SORL1: variants seen among roughly 807,000 people sequenced by gnomAD.
SORL1 encodes the protein sortilin-related receptor.
A neutral mutation model predicts 273.7 loss-of-function variants in SORL1; 127 were observed. The observed-to-expected ratio is 0.46, with a 90% CI of 0.40 to 0.54. The LOEUF is 0.54. Among genes scored for constraint, SORL1 ranks in the 20% least tolerant of loss-of-function variants. The pLI is 0.00. For missense variants in SORL1, 2,494 were observed against 2,846.1 expected (o/e 0.88, Z 2.81); for synonymous variants, 1,031 against 1,067.4 (o/e 0.97, Z 0.66).
chr11:121,593,286 A>G (rs1255056926), intron 31 of SORL1, among the ~76,000 whole-genome samples: 2 of 152,242 alleles, frequency 1.3e-5, no homozygotes, highest in African/African-American at 2.4e-5. Context: ...TGAAAACTAT[A>G]GAATATGCAC....
At chr11:121,629,379 CA>C in intron 47 of SORL1, 116 bp from the exon 48 acceptor site, 1 of 671,044 alleles carries the variant, frequency 1.5e-6, no homozygotes, top group Admixed American at 2.3e-5. Flanking sequence ...CTGGCTATGG[CA>C]TTGACCTTCT....
intron 14 of SORL1, 28 bp from the exon 15 acceptor site, chr11:121,549,932 C>G: frequency 1.2e-6 from 2 of 1,610,122 alleles, no homozygotes; most frequent in Non-Finnish European, 1.7e-6. Context: ...AAAACCGTGG[C>G]CTTAACAAAG....
intron 21 of SORL1, among the ~76,000 whole-genome samples, chr11:121,565,866 G>A (rs904951926): frequency 2.0e-5 from 3 of 152,244 alleles, no homozygotes; most frequent in Non-Finnish European, 2.9e-5. Context: ...AACTCTCTCC[G>A]GTGCTGCCTT....
intron 1 of SORL1, among the ~76,000 whole-genome samples, chr11:121,458,237 T>G (rs1860938334): frequency 6.6e-6 from 1 of 152,248 alleles, no homozygotes; most frequent in African/African-American, 2.4e-5. Context: ...TTTGCATTCT[T>G]TGATCTATTG....
intron 27 of SORL1, among the ~76,000 whole-genome samples, chr11:121,587,647 G>T (rs202041540): frequency 6.6e-6 from 1 of 152,136 alleles, no homozygotes; most frequent in Non-Finnish European, 1.5e-5. Flanking sequence ...GCCTACCCCC[G>T]TATTAGAGAG....
intron 14 of SORL1, among the ~76,000 whole-genome samples, chr11:121,546,150 A>C (rs1050174224): frequency 2.6e-5 from 4 of 152,060 alleles, no homozygotes; most frequent in African/African-American, 9.7e-5. Flanking sequence ...TGTGGTTGGG[A>C]GTTGAATTGG....
At chr11:121,549,050 C>T (rs1001613702) in intron 14 of SORL1, among the ~76,000 whole-genome samples, 16 of 152,180 alleles carry the variant, frequency 1.1e-4, no homozygotes, top group Admixed American at 7.2e-4. Flanking sequence ...GAATCGTCTT[C>T]GACTGAGGCC....
chr11:121,526,561 G>A (rs1489865716), intron 11 of SORL1, among the ~76,000 whole-genome samples: 1 of 152,122 alleles, frequency 6.6e-6, no homozygotes, highest in Non-Finnish European at 1.5e-5. Context: ...GAATCGACAT[G>A]TTAATACTAT....
At chr11:121,516,354 G>A (rs956254737) in intron 8 of SORL1, among the ~76,000 whole-genome samples, 3 of 152,184 alleles carry the variant, frequency 2.0e-5, no homozygotes, top group African/African-American at 7.2e-5. Context: ...ATGGGACGAG[G>A]GGTACGAAAG....
At chr11:121,619,436 C>T (rs1186941718) in intron 42 of SORL1, among the ~76,000 whole-genome samples, 1 of 152,128 alleles carries the variant, frequency 6.6e-6, no homozygotes, top group African/African-American at 2.4e-5. Flanking sequence ...AATATGTGTG[C>T]CATTTTCTCA....
chr11:121,586,147 TC>T, intron 26 of SORL1, 74 bp from the exon 27 acceptor site: 3 of 1,193,048 alleles, frequency 2.5e-6, no homozygotes, highest in Non-Finnish European at 3.8e-6. Flanking sequence ...CAGTGTGTAC[TC>T]CCGCCAGCAC....
intron 11 of SORL1, among the ~76,000 whole-genome samples, chr11:121,529,149 A>G (rs914583123): frequency 6.6e-6 from 1 of 152,178 alleles, no homozygotes; most frequent in African/African-American, 2.4e-5. Context: ...TTGTAATGCC[A>G]TGTGTCTTAA....
intron 2 of SORL1, among the ~76,000 whole-genome samples, chr11:121,473,578 G>A (rs543993027): frequency 1.3e-5 from 2 of 151,732 alleles, no homozygotes; most frequent in South Asian, 4.2e-4. Flanking sequence ...CTGTCCAGGG[G>A]TACAGTCCAC....
At chr11:121,543,861 C>A in intron 13 of SORL1, 135 bp downstream of exon 13, 3 of 735,738 alleles carry the variant, frequency 4.1e-6, no homozygotes, top group South Asian at 2.1e-5. Flanking sequence ...TAAGAGTTAG[C>A]AAAAAGCATA....
At chr11:121,509,456 C>A (rs1275590376) in intron 6 of SORL1, among the ~76,000 whole-genome samples, 3 of 151,988 alleles carry the variant, frequency 2.0e-5, no homozygotes, top group Non-Finnish European at 4.4e-5. Flanking sequence ...TATTCAGATA[C>A]CTAGATGAAT....
Position 121,588,106 on chromosome 11 carries a change from C to T in SORL1, c.3901C>T (p.Gln1301Ter). Reference sequence around the variant, plus strand: ...CTCCATGGTCTGTGACGGAATCATCCAGTGCCGCGACGGGTCCGATGAGGA... The same window carrying T: ...CTCCATGGTCTGTGACGGAATCATCTAGTGCCGCGACGGGTCCGATGAGGA... ...FHSMVCDGII[Q>*]CRDGSDEDAA... Residue 1301 changes from glutamine (Q) to a stop codon, truncating the protein, a stop_gained, in exon 28 of 48, where the codon CAG becomes TAG. Coordinates refer to ENST00000260197, the MANE Select transcript of SORL1 (RefSeq NM_003105.6). LOFTEE classifies it high-confidence loss of function. 1 of 1,613,880 alleles carries T rather than the reference C, an allele frequency of 6.2e-7. No individual in the cohort carries two copies.
intron 11 of SORL1, among the ~76,000 whole-genome samples, chr11:121,530,860 G>C (rs1293300107): frequency 1.3e-5 from 2 of 152,022 alleles, no homozygotes; most frequent in African/African-American, 2.4e-5. Context: ...AGAACACACA[G>C]ATAGATCTGT....
At chr11:121,583,706 C>A in intron 26 of SORL1, 123 bp downstream of exon 26, 1 of 963,258 alleles carries the variant, frequency 1.0e-6, no homozygotes, top group Non-Finnish European at 1.5e-6. Flanking sequence ...CACTCTGAAA[C>A]CAAATAAGCC....
intron 32 of SORL1, among the ~76,000 whole-genome samples, chr11:121,600,183 C>T (rs1371602998): frequency 5.9e-5 from 9 of 152,194 alleles, no homozygotes; most frequent in Non-Finnish European, 1.2e-4. Context: ...ATCATGTATT[C>T]GTTTCACTTA....
Sources: gnomAD v4.1 joint callset for allele counts (sites outside exome capture counted in the v4.1 genomes callset) on GRCh38, gnomAD v4.1.1 for gene constraint, MANE v1.5 for transcripts, NCBI Gene and HGNC (gene_info 2026-07-23, HGNC 2026-07-21) for gene names.